The following DLG2 variants were observed in gnomAD, a reference collection of about 807,000 sequenced individuals.
DLG2 encodes the protein disks large homolog 2.
A neutral mutation model predicts 132.5 loss-of-function variants in DLG2; 45 were observed. That is an observed-to-expected ratio of 0.34 (90% confidence interval 0.27 to 0.44). DLG2 has a LOEUF of 0.44. DLG2 is among the 20% of genes least tolerant of loss of function. The pLI is 1.00. For synonymous variants in DLG2, 424 were observed against 419.6 expected (o/e 1.01, Z -0.13); for missense variants, 1,045 against 1,196.9 (o/e 0.87, Z 1.87).
intron 4 of DLG2, among the ~76,000 whole-genome samples, chr11:85,231,386 A>G (rs190520424): frequency 2.6e-5 from 4 of 152,156 alleles, no homozygotes; most frequent in East Asian, 1.9e-4. Flanking sequence ...TTTAAGATCT[A>G]GAATAACTAC....
chr11:85,611,082 A>G (rs1212523554), intron 2 of DLG2, among the ~76,000 whole-genome samples: 1 of 152,216 alleles, frequency 6.6e-6, no homozygotes, highest in Non-Finnish European at 1.5e-5. Flanking sequence ...TATGTCACAG[A>G]GACAGCAGGG....
At chr11:84,954,795 C>G (rs2051422604) in intron 6 of DLG2, among the ~76,000 whole-genome samples, 1 of 152,124 alleles carries the variant, frequency 6.6e-6, no homozygotes, top group South Asian at 2.1e-4. Flanking sequence ...TAAATCTTCA[C>G]TTCGACTGTA....
At chr11:85,492,391 A>C (rs547334471) in intron 3 of DLG2, among the ~76,000 whole-genome samples, 1 of 152,296 alleles carries the variant, frequency 6.6e-6, no homozygotes, top group African/African-American at 2.4e-5. Context: ...ACTACAAAAA[A>C]CAAACCACTA....
intron 21 of DLG2, chr11:83,486,285 T>A (rs538906073): frequency 2.9e-6 from 2 of 684,644 alleles, no homozygotes; most frequent in East Asian, 2.7e-5. Context: ...ATGTAAGAAT[T>A]AATGGCATGT....
intron 6 of DLG2, among the ~76,000 whole-genome samples, chr11:84,857,710 C>T (rs953476811): frequency 6.6e-6 from 1 of 152,008 alleles, no homozygotes; most frequent in African/African-American, 2.4e-5. Context: ...GAATTATACT[C>T]ATCTCAACAT....
chr11:85,567,925 C>T (rs2077618715), intron 3 of DLG2, among the ~76,000 whole-genome samples: 1 of 151,870 alleles, frequency 6.6e-6, no homozygotes, highest in Non-Finnish European at 1.5e-5. Flanking sequence ...GTGTATTACA[C>T]TCATTGGTTT....
chr11:84,868,933 A>C (rs751995183), intron 6 of DLG2, among the ~76,000 whole-genome samples: 24 of 152,232 alleles, frequency 1.6e-4, no homozygotes, highest in Non-Finnish European at 3.1e-4. Flanking sequence ...CTACAGCTGG[A>C]GACCAGGCTT....
intron 6 of DLG2, among the ~76,000 whole-genome samples, chr11:84,918,710 A>C (rs1336570337): frequency 6.6e-6 from 1 of 152,204 alleles, no homozygotes; most frequent in East Asian, 1.9e-4. Context: ...ACTTAGTGTA[A>C]GTGGTTTGCG....
At chr11:84,189,072 TG>T (rs2096346979) in intron 8 of DLG2, among the ~76,000 whole-genome samples, 1 of 152,182 alleles carries the variant, frequency 6.6e-6, no homozygotes, top group Non-Finnish European at 1.5e-5. Flanking sequence ...ATACTGCAGG[TG>T]CAAAGATGGT....
At chr11:84,372,293 A>T (rs914994870) in intron 7 of DLG2, among the ~76,000 whole-genome samples, 1 of 152,174 alleles carries the variant, frequency 6.6e-6, no homozygotes. Context: ...TTATTTCACA[A>T]AATAATTATG....
At chr11:83,531,871 G>T (rs1332165034) in intron 21 of DLG2, among the ~76,000 whole-genome samples, 1 of 148,018 alleles carries the variant, frequency 6.8e-6, no homozygotes, top group Non-Finnish European at 1.5e-5. Flanking sequence ...TGAAAACAAT[G>T]TAAGTGAAAA....
At chr11:83,827,427 G>C (rs1408411591) in intron 17 of DLG2, among the ~76,000 whole-genome samples, 1 of 152,080 alleles carries the variant, frequency 6.6e-6, no homozygotes, top group African/African-American at 2.4e-5. Flanking sequence ...TGTCAGCTGT[G>C]ACTCATTTTT....
At chr11:84,874,584 A>C (rs1324131905) in intron 6 of DLG2, among the ~76,000 whole-genome samples, 1 of 152,228 alleles carries the variant, frequency 6.6e-6, no homozygotes, top group Non-Finnish European at 1.5e-5. Flanking sequence ...TTTATCTCTT[A>C]GAAATCTCAC....
intron 7 of DLG2, among the ~76,000 whole-genome samples, chr11:84,526,577 A>C (rs542176001): frequency 6.6e-6 from 1 of 152,280 alleles, no homozygotes; most frequent in African/African-American, 2.4e-5. Flanking sequence ...ATTTTGAGAG[A>C]CAGAGAGAGA....
chr11:84,182,679 T>C (rs999822105), intron 8 of DLG2, among the ~76,000 whole-genome samples: 9 of 152,154 alleles, frequency 5.9e-5, no homozygotes, highest in Admixed American at 6.5e-5. Context: ...AATCTAAGCT[T>C]CTACTTTAGA....
chr11:84,358,363 A>AT (rs770602681), intron 7 of DLG2, among the ~76,000 whole-genome samples: 18,755 of 121,458 alleles, frequency 0.15, 1,346 homozygotes, highest in Non-Finnish European at 0.17. Flanking sequence ...AAGTCCCAGT[A>AT]TTTTTTTTTT....
At chr11:84,890,777 G>C (rs1480961772) in intron 6 of DLG2, 2 of 152,258 alleles carry the variant, frequency 1.3e-5, no homozygotes, top group Non-Finnish European at 2.9e-5. Context: ...GGCTGTGGCA[G>C]ACTGAGCTGA....
intron 11 of DLG2, among the ~76,000 whole-genome samples, chr11:83,994,264 T>G (rs1245678665): frequency 6.6e-6 from 1 of 152,208 alleles, no homozygotes; most frequent in Non-Finnish European, 1.5e-5. Flanking sequence ...TGCTGTGATA[T>G]GCACAAATAT....
At chr11:84,753,441 T>C (rs1036441410) in intron 6 of DLG2, among the ~76,000 whole-genome samples, 7 of 152,152 alleles carry the variant, frequency 4.6e-5, no homozygotes, top group Non-Finnish European at 7.3e-5. Context: ...TTTCATACTT[T>C]GAATATAGAG....
Sources: allele counts gnomAD v4.1 joint callset (sites outside exome capture counted in the v4.1 genomes callset), GRCh38; gene constraint gnomAD v4.1.1; transcripts MANE v1.5; gene names NCBI Gene and HGNC (gene_info 2026-07-23, HGNC 2026-07-21).